The following INTS7 variants were observed in gnomAD, a reference collection of about 807,000 sequenced individuals.
INTS7 encodes chromosome 1 open reading frame 73.
In INTS7, 46 loss-of-function variants were observed where a neutral mutation model predicts 109.2. The ratio of observed to expected loss-of-function variants is 0.42; its 90% CI spans 0.33 to 0.54. INTS7 has a LOEUF of 0.54. Ranked by LOEUF, INTS7 falls within the 20% of genes least tolerant of loss-of-function variation. The pLI is 0.07. For synonymous variants in INTS7, 412 were observed against 402.9 expected (o/e 1.02, Z -0.27); for missense variants, 929 against 1,132.4 (o/e 0.82, Z 2.58).
chr1:211,969,498 C>G (rs1391341187), intron 13 of INTS7, among the ~76,000 whole-genome samples: 3 of 150,860 alleles, frequency 2.0e-5, no homozygotes, highest in African/African-American at 7.3e-5. Flanking sequence ...TGGACATTGC[C>G]TCAAAGTTAC....
intron 7 of INTS7, among the ~76,000 whole-genome samples, chr1:212,005,058 C>T (rs1665842949): frequency 6.6e-6 from 1 of 152,034 alleles, no homozygotes; most frequent in Non-Finnish European, 1.5e-5. Flanking sequence ...AAGAAATTTG[C>T]GTGTGTGAAC....
intron 7 of INTS7, among the ~76,000 whole-genome samples, chr1:211,996,702 T>C (rs1033801624): frequency 6.6e-6 from 1 of 152,080 alleles, no homozygotes; most frequent in Non-Finnish European, 1.5e-5. Context: ...TCTAACAAAA[T>C]ATGTGCAAGA....
At chr1:212,008,133 A>C (rs767779554) in intron 5 of INTS7, among the ~76,000 whole-genome samples, 85 of 152,284 alleles carry the variant, frequency 5.6e-4, no homozygotes, top group Non-Finnish European at 8.1e-4. Flanking sequence ...ATGGTGAAAT[A>C]ATTGTGGGTA....
At chr1:212,035,197 G>A in intron 1 of INTS7, 147 bp downstream of exon 1, 1 of 647,312 alleles carries the variant, frequency 1.5e-6, no homozygotes, top group Non-Finnish European at 2.8e-6. Context: ...AGGGGTCAAA[G>A]CCCACGCCCC....
At chr1:212,016,268 C>T (rs577111282) in intron 4 of INTS7, among the ~76,000 whole-genome samples, 4 of 152,146 alleles carry the variant, frequency 2.6e-5, no homozygotes, top group Non-Finnish European at 5.9e-5. Context: ...GCTTTTCATA[C>T]ATATTACCAA....
At chr1:212,018,931 GAAGTA>G (rs778532013) in intron 3 of INTS7, among the ~76,000 whole-genome samples, 8 of 152,138 alleles carry the variant, frequency 5.3e-5, no homozygotes, top group Non-Finnish European at 1.2e-4. Context: ...TATATTTGCT[GAAGTA>G]AAGGGTAAAA....
In INTS7 at chr1:211,942,252, A is replaced by G; in HGVS notation, c.2602-141T>C. 1 of 855,460 alleles carries G rather than the reference A, an allele frequency of 1.2e-6. No individual in the cohort carries two copies. The highest frequency in any genetic ancestry group is 1.8e-6 in the Non-Finnish European group (1 of 551,264). The allele number at this position is 855,460 out of a possible 1,614,324, so 53.0% of individuals were successfully genotyped here. On this transcript the variant is annotated intron_variant, in intron 19 of 19. Transcript: ENST00000366994. The surrounding 1 kb of genome is among the most constrained non-coding windows in gnomAD (Gnocchi z 4.2). ...TACTGCTATCATCCTTGCTTCACCG[A>G]TGAGGAGTCTAAGGCAGACAGGTTA...
chr1:211,969,063 T>A (rs976783060), intron 13 of INTS7, among the ~76,000 whole-genome samples: 1 of 151,894 alleles, frequency 6.6e-6, no homozygotes, highest in Non-Finnish European at 1.5e-5. Flanking sequence ...GGCGGGTGGA[T>A]CACAAGGTCA....
At chr1:211,975,697 A>G (rs1383934180) in intron 12 of INTS7, among the ~76,000 whole-genome samples, 1 of 152,230 alleles carries the variant, frequency 6.6e-6, no homozygotes, top group East Asian at 1.9e-4. Context: ...ATGTTATTCT[A>G]GATGAACTAT....
Position 211,952,570 on chromosome 1 carries a change from A to G in INTS7, c.2315T>C (p.Met772Thr). 2.5e-6 allele frequency: 4 copies of G among 1,612,002 alleles called. No individual in the cohort carries two copies. Among genetic ancestry groups the G allele is most frequent in the Non-Finnish European group, 3.4e-6 (4 of 1,179,344 alleles). ...LNRKYTPVSY[M>T]HTACLCNAII... Reference sequence around the variant, plus strand: ...CTCAATAAAACAAATGCCACTTGCCATATAAGAAACAGGGGTATATTTCCG... The same window carrying G: ...CTCAATAAAACAAATGCCACTTGCCGTATAAGAAACAGGGGTATATTTCCG... The change falls in exon 17 of 20, where the codon ATG becomes ACG. Residue 772 changes from methionine (M) to threonine (T), a missense_variant and splice_region_variant. By Grantham distance (81) the Met-to-Thr change is moderately conservative (BLOSUM62 -1). Coordinates refer to ENST00000366994, the MANE Select transcript of INTS7 (RefSeq NM_015434.4).
rs189969282 is a variant in INTS7 at position 212,022,481 on chromosome 1, T to C, written c.95-1269A>G. On this transcript the variant is annotated intron_variant, in intron 1 of 19. Coordinates refer to ENST00000366994, the MANE Select transcript of INTS7 (RefSeq NM_015434.4). ...AACCAACTTTTTAAATGGACAAGAA[T>C]TGAAGAGAAATTTCATTGAGGAAGA... Among the ~76,000 whole-genome samples, 397 of 152,222 alleles carry C rather than the reference T, an allele frequency of 2.6e-3. 3 individuals are homozygous for C. The highest frequency in any genetic ancestry group is 2.3e-3 in the South Asian group (11 of 4,834).
chr1:211,974,980 C>T (rs1047046201), intron 13 of INTS7, among the ~76,000 whole-genome samples, 186 bp downstream of exon 13: 1 of 152,106 alleles, frequency 6.6e-6, no homozygotes, highest in African/African-American at 2.4e-5. Context: ...TTATTTTTAA[C>T]AAGAAAGTGA....
intron 17 of INTS7, among the ~76,000 whole-genome samples, chr1:211,950,605 A>T (rs1422488870): frequency 6.6e-6 from 1 of 152,188 alleles, no homozygotes; most frequent in Non-Finnish European, 1.5e-5. Flanking sequence ...TCCCTATATG[A>T]CAGCACTGTG....
In INTS7 at chr1:211,946,309, C is replaced by A. The variant is rs1662843837; in HGVS notation, c.2415+298G>T. ...ACCAGCCTAGCCAACATGGTGAAAC[C>A]CCATCTTTACCAAAAATAAAAAAAT... is the stretch of plus-strand genomic sequence containing the variant. On this transcript the variant is annotated intron_variant, in intron 18 of 19. Transcript: ENST00000366994. The surrounding 1 kb of genome is among the most constrained non-coding windows in gnomAD (Gnocchi z 4.3). 6.6e-6 allele frequency among the ~76,000 whole-genome samples: 1 copy of A among 151,982 alleles called. No individual in the cohort carries two copies. The highest frequency in any genetic ancestry group is 6.6e-5 in the Admixed American group (1 of 15,260).
chr1:212,002,850 T>C (rs1021999394), intron 7 of INTS7, among the ~76,000 whole-genome samples: 3 of 152,156 alleles, frequency 2.0e-5, no homozygotes, highest in Admixed American at 6.5e-5. Context: ...CCTCAAAGAA[T>C]TCCCACACAT....
intron 8 of INTS7, among the ~76,000 whole-genome samples, chr1:211,984,209 T>C (rs1241299361): frequency 6.6e-6 from 1 of 152,198 alleles, no homozygotes; most frequent in Non-Finnish European, 1.5e-5. Flanking sequence ...TCTTTATTTT[T>C]TCAAAACTGT....
chr1:212,021,607 G>A (rs1043627228), intron 1 of INTS7, among the ~76,000 whole-genome samples: 5 of 151,520 alleles, frequency 3.3e-5, no homozygotes, highest in Non-Finnish European at 5.9e-5. Flanking sequence ...ACTTTGGAAG[G>A]CTGGGAAAAG....
chr1:211,969,504 G>A (rs1664066315), intron 13 of INTS7, among the ~76,000 whole-genome samples: 1 of 145,010 alleles, frequency 6.9e-6, no homozygotes, highest in African/African-American at 2.6e-5. Flanking sequence ...TTGCCTCAAA[G>A]TTACCCTCTT....
rs750734917 is a variant in INTS7 at position 211,952,709 on chromosome 1, A to G, written c.2184-8T>C. 1 of 1,610,076 alleles carries G rather than the reference A, an allele frequency of 6.2e-7. No individual in the cohort carries two copies. Among genetic ancestry groups the G allele is most frequent in the Admixed American group, 1.7e-5 (1 of 59,868 alleles). On this transcript the variant is annotated splice_region_variant and splice_polypyrimidine_tract_variant and intron_variant, in intron 16 of 19. Coordinates refer to ENST00000366994, the MANE Select transcript of INTS7 (RefSeq NM_015434.4). ...GATCCATATTCCTGGAAACTGAAGTAAAGGTCAATATTCATTAATCCATCA... is the reference window on the plus strand; with the variant it reads ...GATCCATATTCCTGGAAACTGAAGTGAAGGTCAATATTCATTAATCCATCA...
Sources: allele counts gnomAD v4.1 joint callset (sites outside exome capture counted in the v4.1 genomes callset), GRCh38; gene constraint gnomAD v4.1.1; non-coding constraint Gnocchi (gnomAD v3.1); transcripts MANE v1.5; gene names NCBI Gene and HGNC (gene_info 2026-07-23, HGNC 2026-07-21).